Variants in TRERF1 observed in about 807,000 individuals in gnomAD.
TRERF1 encodes transcriptional regulating factor 1, also known as transcriptional-regulating factor 1.
A neutral mutation model predicts 122.9 loss-of-function variants in TRERF1; 27 were observed. That is an observed-to-expected ratio of 0.22 (90% CI 0.16 to 0.30). TRERF1 has a LOEUF of 0.30. Among genes scored for constraint, TRERF1 ranks in the 10% least tolerant of loss-of-function variants. TRERF1 has a pLI of 1.00. For synonymous variants in TRERF1, 636 were observed against 641.7 expected, an observed-to-expected ratio of 0.99 and a Z score of 0.13; for missense variants, 1,248 against 1,560.3, an observed-to-expected ratio of 0.80 and a Z score of 3.37.
At chr6:42,407,503 C>T (rs1232589029) in intron 2 of TRERF1, among the ~76,000 whole-genome samples, 1 of 152,150 alleles carries the variant, frequency 6.6e-6, no homozygotes, top group South Asian at 2.1e-4. Flanking sequence ...AGAATGCCTG[C>T]TCAGAAGTCA....
At chr6:42,227,857 A>G (rs1769763253) in exon 18 of TRERF1, 1 of 152,402 alleles carries the variant, frequency 6.6e-6, no homozygotes, top group Non-Finnish European at 1.5e-5. Flanking sequence ...CTAGCATAGT[A>G]TCTCCAGGCA....
intron 15 of TRERF1, among the ~76,000 whole-genome samples, chr6:42,242,638 T>C (rs1159923056): frequency 6.6e-6 from 1 of 152,228 alleles, no homozygotes; most frequent in Non-Finnish European, 1.5e-5. Flanking sequence ...TAGGTCTTCT[T>C]GTGTCTTTGG....
intron 2 of TRERF1, among the ~76,000 whole-genome samples, chr6:42,394,636 C>T (rs1308421257): frequency 6.6e-6 from 1 of 152,112 alleles, no homozygotes; most frequent in Non-Finnish European, 1.5e-5. Context: ...CCAACAACTG[C>T]ACTTGGCCAT....
At chr6:42,257,200 C>T (rs755522086) in intron 10 of TRERF1, 98 bp from the exon 11 acceptor site, 700 of 1,447,352 alleles carry the variant, frequency 4.8e-4, no homozygotes, top group Non-Finnish European at 6.3e-4. Flanking sequence ...GAAACTAGTT[C>T]TTTCTGCAAG....
intron 3 of TRERF1, among the ~76,000 whole-genome samples, chr6:42,328,093 C>T (rs1764620941): frequency 6.6e-6 from 1 of 150,784 alleles, no homozygotes; most frequent in Non-Finnish European, 1.5e-5. Context: ...GCAACCTCCG[C>T]CTCCCGGGTT....
intron 2 of TRERF1, among the ~76,000 whole-genome samples, chr6:42,391,977 C>T (rs1482909441): frequency 6.6e-6 from 1 of 152,244 alleles, no homozygotes; most frequent in Admixed American, 6.5e-5. Flanking sequence ...GGGAGAAAGA[C>T]ATCCAGAGTT....
intron 2 of TRERF1, among the ~76,000 whole-genome samples, chr6:42,363,782 G>A (rs550197410): frequency 6.6e-6 from 1 of 152,244 alleles, no homozygotes; most frequent in African/African-American, 2.4e-5. Flanking sequence ...CACAAGCCAA[G>A]AAGCTACCCA....
chr6:42,313,017 A>G (rs938487399), intron 3 of TRERF1, among the ~76,000 whole-genome samples: 2 of 152,180 alleles, frequency 1.3e-5, no homozygotes, highest in Admixed American at 1.3e-4. Flanking sequence ...GCTCATTTCC[A>G]GACTGGGAAG....
At chr6:42,412,746 G>A (rs559400247) in intron 2 of TRERF1, among the ~76,000 whole-genome samples, 1 of 152,154 alleles carries the variant, frequency 6.6e-6, no homozygotes, top group Admixed American at 6.5e-5. Flanking sequence ...GAAACATGGT[G>A]AGATGCTTGT....
chr6:42,362,565 C>G (rs986849881), intron 3 of TRERF1, among the ~76,000 whole-genome samples: 2 of 152,218 alleles, frequency 1.3e-5, no homozygotes, highest in Admixed American at 6.5e-5. Context: ...GAGGCCAGAC[C>G]TGATAAAAAC....
chr6:42,265,932 T>C (rs2149860611), intron 5 of TRERF1, 135 bp from the exon 6 acceptor site: 1 of 881,110 alleles, frequency 1.1e-6, no homozygotes, highest in East Asian at 2.7e-5. Flanking sequence ...GCTGACCCCA[T>C]TCATGTCCAC....
chr6:42,287,058 C>T lies in TRERF1; in HGVS notation c.-259+13580G>A, dbSNP rs374615100. 5.4e-4 allele frequency among the ~76,000 whole-genome samples: 80 copies of T among 147,814 alleles called. 1 individual carries two copies. In the South Asian group the frequency reaches 0.01, roughly 18 times the overall value. On this transcript the variant is annotated intron_variant, in intron 4 of 17. Coordinates refer to ENST00000372922, the Ensembl canonical transcript of TRERF1. ...ATCGCAAGAACAAAAAAACAAACGC[C>T]GCATATTCTCACTCATAGGTGGGAA...
chr6:42,357,563 C>G (rs1184947314), intron 3 of TRERF1, among the ~76,000 whole-genome samples: 1 of 152,114 alleles, frequency 6.6e-6, no homozygotes, highest in African/African-American at 2.4e-5. Flanking sequence ...ACCCATGAAA[C>G]GTTAGAATTA....
At chr6:42,446,469 A>C (rs1787540970) in intron 2 of TRERF1, among the ~76,000 whole-genome samples, 2 of 152,124 alleles carry the variant, frequency 1.3e-5, no homozygotes, top group Non-Finnish European at 2.9e-5. Flanking sequence ...AAGTCACTGG[A>C]CTTGTGGTTT....
intron 2 of TRERF1, among the ~76,000 whole-genome samples, chr6:42,434,668 C>CCACACA (rs3075920): frequency 2.1e-3 from 240 of 114,894 alleles, no homozygotes; most frequent in African/African-American, 5.1e-3. Flanking sequence ...ACACCCTCCA[C>CCACACA]CACACACACA....
Position 42,319,600 on chromosome 6 carries a change from T to C in TRERF1, c.-370-18851A>G, listed in dbSNP as rs185457452. Among the ~76,000 whole-genome samples, 254 of 152,082 alleles carry C rather than the reference T, an allele frequency of 1.7e-3. 1 individual carries two copies. Among genetic ancestry groups the C allele is most frequent in the African/African-American group, 5.6e-3 (232 of 41,492 alleles). On this transcript the variant is annotated intron_variant, in intron 3 of 17. Transcript: ENST00000372922. ...ATTTTGGGGGGCTGAGGCAGGAGGA[T>C]CACTTGAGCCCAGGAGTTCGAAACT...
chr6:42,320,597 C>G (rs1763263174), intron 3 of TRERF1, among the ~76,000 whole-genome samples: 1 of 144,434 alleles, frequency 6.9e-6, no homozygotes, highest in African/African-American at 2.7e-5. Context: ...CCTCCTCCTC[C>G]TCCCAGGTTC....
rs139114272 is a variant in TRERF1 at position 42,277,247 on chromosome 6, A to G, written c.-258-7399T>C. The stretch of plus-strand genomic sequence containing the variant: ...ATATTCCTGGACACATTTGTTTCAT[A>G]CTACCTTCCCTAAGTATCCAACAGC... On this transcript the variant is annotated intron_variant, in intron 4 of 17. Transcript: ENST00000372922. 1.9e-3 allele frequency among the ~76,000 whole-genome samples: 293 copies of G among 152,158 alleles called. 2 individuals are homozygous for G. Among genetic ancestry groups the G allele is most frequent in the African/African-American group, 6.5e-3 (271 of 41,492 alleles).
chr6:42,426,727 G>C (rs1403870847), intron 2 of TRERF1, among the ~76,000 whole-genome samples: 7 of 152,154 alleles, frequency 4.6e-5, no homozygotes. Context: ...TCATTTACGA[G>C]TGATCTGTGA....
Sources: allele counts gnomAD v4.1 joint callset (sites outside exome capture counted in the v4.1 genomes callset), GRCh38; gene constraint gnomAD v4.1.1; transcripts MANE v1.5; gene names NCBI Gene and HGNC (gene_info 2026-07-23, HGNC 2026-07-21).